ECD: variants seen among roughly 807,000 people sequenced by gnomAD.
The protein encoded by ECD is ecdysoneless cell cycle regulator, also known as protein ecdysoneless homolog.
In ECD, 59 loss-of-function variants were observed where a neutral mutation model predicts 77.2. The ratio of observed to expected loss-of-function variants is 0.76; its 90% CI spans 0.62 to 0.95. The LOEUF (loss-of-function observed/expected upper bound fraction) is 0.95, where lower values mean the gene tolerates loss of function less well. Ranked by LOEUF, ECD falls within the 40% of genes least tolerant of loss-of-function variation. The pLI is 0.00. For synonymous variants in ECD, 233 were observed against 267.4 expected (o/e 0.87, Z 1.26); for missense variants, 704 against 763.4 (o/e 0.92, Z 0.92).
chr10:73,138,071 C>A lies in ECD; in HGVS notation c.1422-1G>T. 1 of 1,583,072 alleles carries A rather than the reference C, an allele frequency of 6.3e-7. No homozygotes were observed. ...AGTGATTGGAGCCTCAGAAGGTTCT[C>A]TGCAATATTAAAGGACAAAGACAAT... is the stretch of plus-strand genomic sequence containing the variant. On this transcript the variant is annotated splice_acceptor_variant, in intron 11 of 13. Transcript: ENST00000372979. LOFTEE classifies it high-confidence loss of function.
intron 3 of ECD, among the ~76,000 whole-genome samples, chr10:73,157,910 T>C (rs1331940454): frequency 3.3e-5 from 5 of 151,970 alleles, no homozygotes; most frequent in African/African-American, 1.2e-4. Flanking sequence ...TTTTATATAC[T>C]GTTATATATC....
intron 11 of ECD, 119 bp from the exon 12 acceptor site, chr10:73,138,189 C>A: frequency 1.4e-6 from 1 of 695,696 alleles, no homozygotes; most frequent in Non-Finnish European, 2.1e-6. Flanking sequence ...GGAGGCACAG[C>A]AAGAAAAGTT....
intron 9 of ECD, among the ~76,000 whole-genome samples, chr10:73,143,836 T>C (rs1282734524): frequency 6.6e-6 from 1 of 151,418 alleles, no homozygotes; most frequent in African/African-American, 2.4e-5. Flanking sequence ...AACTTGCTTT[T>C]TTTTTTTTTT....
At chr10:73,164,310 C>T (rs1049554434) in intron 1 of ECD, among the ~76,000 whole-genome samples, 3 of 151,086 alleles carry the variant, frequency 2.0e-5, no homozygotes, top group African/African-American at 7.3e-5. Flanking sequence ...CGAGATCATG[C>T]CACTGCACTC....
intron 13 of ECD, among the ~76,000 whole-genome samples, chr10:73,135,846 T>G (rs1842969394): frequency 6.6e-6 from 1 of 152,178 alleles, no homozygotes; most frequent in Non-Finnish European, 1.5e-5. Flanking sequence ...TTGGTTTATA[T>G]TCGCATTAAA....
At chr10:73,159,954 T>C (rs1348271493) in intron 3 of ECD, among the ~76,000 whole-genome samples, 1 of 151,522 alleles carries the variant, frequency 6.6e-6, no homozygotes, top group African/African-American at 2.4e-5. Flanking sequence ...ACTTTAATTC[T>C]TTCTCAAGAA....
intron 7 of ECD, among the ~76,000 whole-genome samples, chr10:73,150,353 T>G (rs1257738257): frequency 1.3e-5 from 2 of 152,154 alleles, no homozygotes; most frequent in African/African-American, 4.8e-5. Context: ...CCCTTCCTTA[T>G]ACCTTATACA....
Position 73,156,490 on chromosome 10 carries a change from T to C in ECD, c.412-37A>G, listed in dbSNP as rs762686323. 14 of 1,609,288 alleles carry C rather than the reference T, an allele frequency of 8.7e-6. No homozygotes were observed. In the South Asian group the frequency reaches 1.5e-4, roughly 18 times the overall value. ...ACATTTCAATTTTCACAGTGGGCAC[T>C]GGCAAACTGCAGGTACATATGAATG... On this transcript the variant is annotated intron_variant, in intron 4 of 13. Coordinates refer to ENST00000372979, the MANE Select transcript of ECD (RefSeq NM_007265.3).
chr10:73,156,826 G>GGA (rs1341564366), intron 3 of ECD, among the ~76,000 whole-genome samples, 171 bp from the exon 4 acceptor site: 3 of 152,126 alleles, frequency 2.0e-5, no homozygotes, highest in African/African-American at 7.2e-5. Context: ...AAGCACTGAA[G>GGA]GAGACTGTAA....
chr10:73,168,005 A>G lies in ECD; in HGVS notation c.-153T>C. On this transcript the variant is annotated 5_prime_UTR_variant, in exon 1 of 14. Transcript: ENST00000372979. The stretch of plus-strand genomic sequence containing the variant: ...GTCCCGACGCCTGACCGGAACCTGA[A>G]GCCAGCGGAAATCCTGAGAGAAAGT... The G allele has an allele frequency of 6.1e-6, 2 of 329,074 alleles. No homozygotes were observed. Among genetic ancestry groups the G allele is most frequent in the South Asian group, 4.0e-5 (1 of 25,226 alleles). 20.4% of individuals were successfully genotyped at this position (329,074 alleles called of 1,614,324 possible).
chr10:73,152,439 A>T lies in ECD; in HGVS notation c.784-18T>A, dbSNP rs771426944. 34 of 1,606,542 alleles carry T rather than the reference A, an allele frequency of 2.1e-5. 1 individual carries two copies. In the East Asian group the frequency reaches 7.0e-4, roughly 33 times the overall value. On this transcript the variant is annotated intron_variant, in intron 6 of 13. Coordinates refer to ENST00000372979, the MANE Select transcript of ECD (RefSeq NM_007265.3). Reference sequence around the variant, plus strand: ...AATGTGACCTGGGCATCAAGACACAAAATACATGAGTCTTTTCCTGAAATT... The same window carrying T: ...AATGTGACCTGGGCATCAAGACACATAATACATGAGTCTTTTCCTGAAATT...
chr10:73,139,850 T>TG, intron 9 of ECD, 113 bp from the exon 10 acceptor site: 1 of 160,894 alleles, frequency 6.2e-6, no homozygotes, highest in Non-Finnish European at 1.2e-5. Context: ...TTGGGGAGTG[T>TG]TTTTTTTTTT....
rs145768355 is a variant in ECD, at chr10:73,154,368, C to A, written c.671G>T (p.Arg224Leu). The A allele has an allele frequency of 1.2e-6, 2 of 1,613,928 alleles. No homozygotes were observed. The highest frequency in any genetic ancestry group is 2.2e-5 in the South Asian group (2 of 91,082). Residue 224 changes from arginine (R) to leucine (L), a missense_variant, in exon 6 of 14, where the codon CGC becomes CTC. Arg to Leu is a moderately radical substitution (Grantham distance 102). This residue lies in a region of ECD where 559 missense variants were observed against 583.7 expected (regional missense o/e 0.96). Coordinates refer to ENST00000372979, the MANE Select transcript of ECD (RefSeq NM_007265.3). ...PAGIVAVLKQRPRLVAAAVQA... is the reference protein window; with the variant it reads ...PAGIVAVLKQLPRLVAAAVQA... The stretch of plus-strand genomic sequence containing the variant: ...GACTGCTGCAGCCACCAATCTGGGG[C>A]GCTGCTTTAGCACTGCCACAATGCC...
intron 3 of ECD, among the ~76,000 whole-genome samples, chr10:73,157,467 C>T (rs1241836750): frequency 6.6e-6 from 1 of 151,362 alleles, no homozygotes; most frequent in Admixed American, 6.6e-5. Flanking sequence ...GCCTGTAATC[C>T]CAGCACTTTG....
intron 13 of ECD, among the ~76,000 whole-genome samples, chr10:73,135,085 C>T (rs939300372): frequency 1.3e-5 from 2 of 152,038 alleles, no homozygotes; most frequent in African/African-American, 4.8e-5. Context: ...TGAAATAGCT[C>T]AAGGGCTAAT....
chr10:73,150,595 G>C (rs1247838686), intron 7 of ECD, among the ~76,000 whole-genome samples: 1 of 152,098 alleles, frequency 6.6e-6, no homozygotes, highest in African/African-American at 2.4e-5. Flanking sequence ...GCAACCTACA[G>C]AATGGGAGAA....
chr10:73,162,906 T>A (rs1200775126), intron 2 of ECD, among the ~76,000 whole-genome samples: 1 of 152,206 alleles, frequency 6.6e-6, no homozygotes, highest in African/African-American at 2.4e-5. Context: ...AACCCAAACA[T>A]TGCAGGGCAT....
intron 6 of ECD, 44 bp from the exon 7 acceptor site, chr10:73,152,465 A>G: frequency 6.3e-7 from 1 of 1,591,908 alleles, no homozygotes; most frequent in Non-Finnish European, 8.6e-7. Context: ...TCCTGAAATT[A>G]AGATTGTGAA....
intron 2 of ECD, among the ~76,000 whole-genome samples, chr10:73,162,953 T>C (rs1379625450): frequency 6.6e-6 from 1 of 152,176 alleles, no homozygotes; most frequent in Non-Finnish European, 1.5e-5. Flanking sequence ...TGTCATTGCA[T>C]ATACGCAGTA....
Sources: gnomAD v4.1 joint callset for allele counts (sites outside exome capture counted in the v4.1 genomes callset) on GRCh38, gnomAD v4.1.1 for gene constraint, gnomAD v4.1.1 regional missense constraint, MANE v1.5 for transcripts, NCBI Gene and HGNC (gene_info 2026-07-23, HGNC 2026-07-21) for gene names.